The following CAST variants were observed in gnomAD, a reference collection of about 807,000 sequenced individuals.
CAST encodes the protein calpastatin.
In CAST, 76 loss-of-function variants were observed where a neutral mutation model predicts 119.6. The observed-to-expected ratio is 0.64, with a 90% CI of 0.53 to 0.77. The LOEUF (loss-of-function observed/expected upper bound fraction) is 0.77, where lower values mean the gene tolerates loss of function less well. Ranked by LOEUF, CAST falls within the 30% of genes least tolerant of loss-of-function variation. CAST has a pLI of 0.00. For synonymous variants in CAST, 319 were observed against 331.6 expected, an observed-to-expected ratio of 0.96 and a Z score of 0.41; for missense variants, 953 against 946.5, an observed-to-expected ratio of 1.01 and a Z score of -0.09.
At chr5:96,462,956 T>G in the CAST span, among the ~76,000 whole-genome samples, 1 of 152,106 alleles carries the variant, frequency 6.6e-6, no homozygotes, top group East Asian at 1.9e-4. Context: ...TCCTGAGGCT[T>G]CCCCAGCCAT....
At chr5:96,219,218 T>C in the CAST span, among the ~76,000 whole-genome samples, 1 of 152,202 alleles carries the variant, frequency 6.6e-6, no homozygotes, top group Non-Finnish European at 1.5e-5. Context: ...CTTGAACTCA[T>C]AGAGGTTCAG....
chr5:96,290,783 G>A, the CAST span, among the ~76,000 whole-genome samples: 1 of 152,192 alleles, frequency 6.6e-6, no homozygotes, highest in Non-Finnish European at 1.5e-5. Flanking sequence ...GAAAGATTAC[G>A]AAGTAGCAAG....
chr5:96,095,493 C>T, the CAST span, among the ~76,000 whole-genome samples: 11 of 136,604 alleles, frequency 8.1e-5, no homozygotes, highest in African/African-American at 3.1e-4. Context: ...CTCAAGAGTT[C>T]CAGGCTGCAG....
the CAST span, among the ~76,000 whole-genome samples, chr5:96,493,958 C>T: frequency 6.6e-6 from 1 of 152,174 alleles, no homozygotes; most frequent in East Asian, 1.9e-4. Context: ...TCGCTTGAAC[C>T]TGGGAGGCAG....
At chr5:96,330,102 A>AT in the CAST span, among the ~76,000 whole-genome samples, 1 of 152,242 alleles carries the variant, frequency 6.6e-6, no homozygotes, top group Admixed American at 6.5e-5. Flanking sequence ...ACACCTTGTC[A>AT]TTACCCAAAT....
At chr5:96,281,356 T>C in the CAST span, among the ~76,000 whole-genome samples, 6 of 152,328 alleles carry the variant, frequency 3.9e-5, no homozygotes, top group Admixed American at 3.9e-4. Context: ...TTGTTTTTGC[T>C]CTGCCTTTCT....
rs776251907 is a variant in CAST, at chr5:96,737,889, T to C, written c.740T>C (p.Leu247Ser). Residue 247 changes from leucine to serine, a missense_variant, in exon 11 of 32, where the codon TTA (leucine) becomes TCA (serine). By Grantham distance (145) the Leu-to-Ser change is moderately radical. Coordinates refer to ENST00000675179, the MANE Select transcript of CAST (RefSeq NM_001750.7). ...GCTTTGGATGACTTAATAGATACTT[T>C]AGGAGGACCTGAAGAAACTGAAGAA... is the stretch of plus-strand genomic sequence containing the variant. ...DAALDDLIDT[L>S]GGPEETEEEN... 1.1e-5 allele frequency: 18 copies of C among 1,608,476 alleles called. No individual in the cohort carries two copies. The highest frequency in any genetic ancestry group is 1.4e-5 in the Non-Finnish European group (17 of 1,175,078).
rs1763200504 is a variant in CAST, at chr5:96,743,867, G to C, written c.1200+1111G>C. On this transcript the variant is annotated intron_variant, in intron 16 of 31. Coordinates refer to ENST00000675179, the MANE Select transcript of CAST (RefSeq NM_001750.7). ...GCGGGGTGTTGGCAGAATCCTGGGG[G>C]GAGTCAGGAGGCCAAGCTGAGTTGT... The C allele has an allele frequency of 1.4e-5, 9 of 658,766 alleles. No individual in the cohort carries two copies. The Admixed American group carries it at 2.7e-4, about 20-fold the overall frequency. The allele number at this position is 658,766 out of a possible 1,614,324, so 40.8% of individuals were successfully genotyped here.
At chr5:96,444,738 T>G in the CAST span, among the ~76,000 whole-genome samples, 1 of 152,116 alleles carries the variant, frequency 6.6e-6, no homozygotes, top group Admixed American at 6.5e-5. Context: ...TTTGTTTGCT[T>G]GTTTTGTTTT....
the CAST span, among the ~76,000 whole-genome samples, chr5:96,058,120 A>G: frequency 1.3e-5 from 2 of 152,040 alleles, no homozygotes; most frequent in Non-Finnish European, 2.9e-5. Flanking sequence ...GTGGTGCATT[A>G]CCCAGATCTT....
At chr5:96,224,941 G>T in the CAST span, among the ~76,000 whole-genome samples, 9 of 152,318 alleles carry the variant, frequency 5.9e-5, no homozygotes, top group East Asian at 1.3e-3. Context: ...ATTAATTGGG[G>T]TATCTAGGAA....
the CAST span, among the ~76,000 whole-genome samples, chr5:96,027,986 C>T: frequency 6.6e-6 from 1 of 150,518 alleles, no homozygotes; most frequent in African/African-American, 2.5e-5. Flanking sequence ...GAGATATTCT[C>T]CTTCTGAGAA....
At chr5:96,000,126 C>T in the CAST span, among the ~76,000 whole-genome samples, 1 of 151,798 alleles carries the variant, frequency 6.6e-6, no homozygotes, top group Non-Finnish European at 1.5e-5. Context: ...AAAAATATGT[C>T]GAGATTTTTT....
intron 22 of CAST, among the ~76,000 whole-genome samples, chr5:96,756,745 A>G (rs1044782492): frequency 1.3e-5 from 2 of 152,072 alleles, no homozygotes; most frequent in African/African-American, 4.8e-5. Context: ...ATATCTTTGT[A>G]TTTACTTATT....
the CAST span, among the ~76,000 whole-genome samples, chr5:96,396,044 T>C: frequency 2.1e-4 from 32 of 152,256 alleles, no homozygotes; most frequent in African/African-American, 7.5e-4. Flanking sequence ...GATGGTGAAA[T>C]TGAGTTGAAG....
the CAST span, among the ~76,000 whole-genome samples, chr5:95,975,910 G>T: frequency 6.6e-6 from 1 of 152,076 alleles, no homozygotes; most frequent in Non-Finnish European, 1.5e-5. Flanking sequence ...GTCCCCTGAC[G>T]ATAGCCAGGG....
At chr5:95,989,733 G>C in the CAST span, among the ~76,000 whole-genome samples, 1 of 152,066 alleles carries the variant, frequency 6.6e-6, no homozygotes, top group South Asian at 2.1e-4. Context: ...TGGGATATTT[G>C]AAGGTAAGTT....
the CAST span, chr5:96,429,184 T>G: frequency 9.2e-7 from 1 of 1,087,862 alleles, no homozygotes; most frequent in Non-Finnish European, 1.4e-6. Flanking sequence ...GCTAGAGTAT[T>G]GGTTTGAAGA....
chr5:96,617,817 A>AT, intron 1 of CAST, among the ~76,000 whole-genome samples: 1 of 142,030 alleles, frequency 7.0e-6, no homozygotes, highest in Non-Finnish European at 1.5e-5. Context: ...AAAAAAAAAA[A>AT]AAAAAAAAAA....
Sources: gnomAD v4.1 joint callset for allele counts (sites outside exome capture counted in the v4.1 genomes callset) on GRCh38, gnomAD v4.1.1 for gene constraint, MANE v1.5 for transcripts, NCBI Gene and HGNC (gene_info 2026-07-23, HGNC 2026-07-21) for gene names.